The following CCNH variants were observed in gnomAD, a reference collection of about 807,000 sequenced individuals.
CCNH encodes the protein cyclin-H.
In CCNH, 31 loss-of-function variants were observed where a neutral mutation model predicts 41.9. The ratio of observed to expected loss-of-function variants is 0.74; its 90% CI spans 0.56 to 1.00. CCNH has a LOEUF of 1.00. CCNH is among the 50% of genes least tolerant of loss of function. The pLI, the probability that CCNH is intolerant of heterozygous loss-of-function variation, is 0.00. For missense variants in CCNH, 362 were observed against 388.4 expected (o/e 0.93, Z 0.57); for synonymous variants, 138 against 136.1 (o/e 1.01, Z -0.10).
chr5:87,391,163 T>C, downstream of CCNH: 4 of 549,948 alleles, frequency 7.3e-6, no homozygotes, highest in Non-Finnish European at 1.3e-5. Flanking sequence ...AACGAAATGC[T>C]ATGACTGTAT....
chr5:87,412,754 G>T lies in CCNH; in HGVS notation c.41C>A (p.Ser14Tyr). 1 of 1,614,236 alleles carries T rather than the reference G, an allele frequency of 6.2e-7. No individual in the cohort carries two copies. The highest frequency in any genetic ancestry group is 8.5e-7 in the Non-Finnish European group (1 of 1,180,050). ...CAGTCTTGCCAGCTGCTCCTCGCTG[G>T]AGAAGGTCCAGTGCCGCTTCTGACT... The part of the protein sequence containing the change: ...NSSQKRHWTF[S>Y]SEEQLARLRA... Residue 14 changes from serine (S) to tyrosine (Y), a missense_variant, in exon 1 of 9, where the codon TCC becomes TAC. Transcript: ENST00000256897.
At chr5:87,333,141 A>C (rs1237883776) in intron 9 of CCNH, 3 of 1,406,474 alleles carry the variant, frequency 2.1e-6, no homozygotes, top group East Asian at 2.5e-5. Context: ...TCCAAGTAAA[A>C]ATTTATTTGA....
chr5:87,363,119 T>C (rs1328117635), intron 9 of CCNH, among the ~76,000 whole-genome samples: 2 of 152,080 alleles, frequency 1.3e-5, no homozygotes, highest in African/African-American at 2.4e-5. Context: ...TCTGAAGATA[T>C]AGTTAAGGTA....
chr5:87,332,184 T>C (rs754024594), intron 9 of CCNH, among the ~76,000 whole-genome samples: 3 of 152,126 alleles, frequency 2.0e-5, no homozygotes, highest in Non-Finnish European at 4.4e-5. Flanking sequence ...ATATAAAACT[T>C]ATTAAATTGT....
chr5:87,324,637 A>G (rs561234429), intron 9 of CCNH, among the ~76,000 whole-genome samples: 4 of 152,324 alleles, frequency 2.6e-5, no homozygotes, highest in African/African-American at 9.6e-5. Context: ...ATAAATACAT[A>G]CACACATGCA....
At chr5:87,380,459 C>A, upstream of CCNH, 1 of 1,463,688 alleles carries the variant, frequency 6.8e-7, no homozygotes, top group East Asian at 2.3e-5. Flanking sequence ...GCTAGGAGAT[C>A]AGTGTTTTCA....
intron 9 of CCNH, among the ~76,000 whole-genome samples, chr5:87,324,630 AATAC>A (rs1282989755): frequency 1.3e-5 from 2 of 152,136 alleles, no homozygotes; most frequent in Non-Finnish European, 2.9e-5. Flanking sequence ...ATCTGAGATA[AATAC>A]ATACACACAT....
intron 9 of CCNH, chr5:87,349,273 C>G: frequency 3.1e-6 from 5 of 1,612,138 alleles, no homozygotes; most frequent in Non-Finnish European, 4.2e-6. Context: ...CGATTATTCA[C>G]TTTATTTCCG....
chr5:87,398,919 G>A (rs905257352), intron 7 of CCNH, among the ~76,000 whole-genome samples: 1 of 151,714 alleles, frequency 6.6e-6, no homozygotes, highest in Non-Finnish European at 1.5e-5. Flanking sequence ...CTTGCAGTGA[G>A]CTGAGATCGC....
chr5:87,312,599 T>C, the CCNH span, among the ~76,000 whole-genome samples: 14 of 152,190 alleles, frequency 9.2e-5, no homozygotes, highest in African/African-American at 3.1e-4. Flanking sequence ...GTCTCCTCTT[T>C]CTGGGCTAGA....
In CCNH at chr5:87,401,747, T is replaced by G; in HGVS notation, c.715A>C (p.Lys239Gln). The change falls in exon 6 of 9, where the codon AAA (lysine) becomes CAA (glutamine). Residue 239 changes from lysine to glutamine, a missense_variant. Lys to Gln is a moderately conservative substitution (Grantham distance 53). Transcript: ENST00000256897. The stretch of plus-strand genomic sequence containing the variant: ...TGTGACAGGCAAGTTCTGTTCTCTT[T>G]CAGCATCAGACTCTCTGATAAATAA... ...ESYLSESLML[K>Q]ENRTCLSQLL... is the part of the protein sequence containing the mutation. 6.3e-7 allele frequency: 1 copy of G among 1,591,112 alleles called. No homozygotes were observed. The highest frequency in any genetic ancestry group is 8.5e-7 in the Non-Finnish European group (1 of 1,170,958).
At chr5:87,377,598 A>G (rs1284837666), upstream of CCNH, among the ~76,000 whole-genome samples, 1 of 152,138 alleles carries the variant, frequency 6.6e-6, no homozygotes, top group African/African-American at 2.4e-5. Context: ...CAAGCCTCCC[A>G]AAGTGCCGGG....
At chr5:87,364,191 G>C (rs1485575036) in intron 9 of CCNH, among the ~76,000 whole-genome samples, 1 of 152,102 alleles carries the variant, frequency 6.6e-6, no homozygotes, top group African/African-American at 2.4e-5. Flanking sequence ...TGTTTCAACA[G>C]CTTGTTTTTC....
intron 1 of CCNH, 101 bp from the exon 2 acceptor site, chr5:87,411,447 A>T: frequency 2.7e-6 from 3 of 1,131,976 alleles, no homozygotes; most frequent in Non-Finnish European, 3.7e-6. Flanking sequence ...TATATATCCA[A>T]CGAAGGGTAT....
intron 9 of CCNH, among the ~76,000 whole-genome samples, chr5:87,341,086 A>G (rs991578046): frequency 1.3e-5 from 2 of 152,100 alleles, no homozygotes; most frequent in Non-Finnish European, 2.9e-5. Flanking sequence ...AAAGTCGATA[A>G]GAGGGCCTGA....
At chr5:87,374,278 G>T, downstream of CCNH, 1 of 1,604,982 alleles carries the variant, frequency 6.2e-7, no homozygotes, top group South Asian at 1.1e-5. Flanking sequence ...ACTCATGCAA[G>T]GGAAGGGCAA....
chr5:87,324,562 A>C (rs906094180), intron 9 of CCNH, among the ~76,000 whole-genome samples: 2 of 152,176 alleles, frequency 1.3e-5, no homozygotes, highest in African/African-American at 4.8e-5. Context: ...GGATTCTGTA[A>C]ATATGTTACC....
intron 9 of CCNH, among the ~76,000 whole-genome samples, chr5:87,348,792 T>C (rs1446194384): frequency 1.3e-5 from 2 of 151,816 alleles, no homozygotes; most frequent in South Asian, 2.1e-4. Context: ...ATTGAAAACA[T>C]TGATTAAGCA....
chr5:87,351,165 C>G (rs1759239782), intron 9 of CCNH, among the ~76,000 whole-genome samples: 1 of 150,258 alleles, frequency 6.7e-6, no homozygotes, highest in African/African-American at 2.4e-5. Context: ...TTTAATGTTC[C>G]TATATTCAGA....
Sources: allele counts gnomAD v4.1 joint callset (sites outside exome capture counted in the v4.1 genomes callset), GRCh38; gene constraint gnomAD v4.1.1; transcripts MANE v1.5; gene names NCBI Gene and HGNC (gene_info 2026-07-23, HGNC 2026-07-21).